COL26A1: variants seen among roughly 807,000 people sequenced by gnomAD.
The protein encoded by COL26A1 is collagen alpha-1(XXVI) chain.
In COL26A1, 41 loss-of-function variants were observed where a neutral mutation model predicts 59.3. The observed-to-expected ratio is 0.69, with a 90% CI of 0.54 to 0.90. The LOEUF is 0.90. COL26A1 is among the 40% of genes least tolerant of loss of function. The pLI is 0.00. For synonymous variants in COL26A1, 266 were observed against 256.0 expected (o/e 1.04, Z -0.37); for missense variants, 612 against 602.3 (o/e 1.02, Z -0.17).
chr7:101,530,549 G>A (rs1187755738), intron 3 of COL26A1, among the ~76,000 whole-genome samples: 1 of 133,502 alleles, frequency 7.5e-6, no homozygotes, highest in Non-Finnish European at 1.6e-5. Flanking sequence ...TGGGTGACAA[G>A]AGTGAGACTC....
chr7:101,416,789 G>C lies in COL26A1; in HGVS notation c.159-3188G>C, dbSNP rs774563268. On this transcript the variant is annotated intron_variant, in intron 1 of 12. Transcript: ENST00000313669. ...GGGTCTTGCTCTGTCACCCAGTGTG[G>C]AGTGCAGCGGTGCGATCATGGCTCA... Among the ~76,000 whole-genome samples the C allele has an allele frequency of 1.3e-4, 18 of 143,160 alleles. 4 individuals are homozygous for C. The highest frequency in any genetic ancestry group is 1.9e-4 in the Non-Finnish European group (12 of 63,162). 93.9% of individuals were successfully genotyped at this position (143,160 alleles called of 152,430 possible).
intron 3 of COL26A1, among the ~76,000 whole-genome samples, chr7:101,514,383 A>G (rs1193017169): frequency 3.3e-5 from 5 of 152,028 alleles, no homozygotes; most frequent in Non-Finnish European, 7.4e-5. Context: ...AATAAACCAC[A>G]ACGAGATTCT....
intron 3 of COL26A1, among the ~76,000 whole-genome samples, chr7:101,491,708 G>C (rs1165713982): frequency 1.3e-5 from 2 of 152,162 alleles, no homozygotes; most frequent in Non-Finnish European, 1.5e-5. Context: ...CGGTGAGGAC[G>C]ACCAGAGGTC....
At chr7:101,414,767 G>T (rs1185657714) in intron 1 of COL26A1, among the ~76,000 whole-genome samples, 4 of 152,086 alleles carry the variant, frequency 2.6e-5, no homozygotes, top group Non-Finnish European at 5.9e-5. Flanking sequence ...CACACTGAGT[G>T]CTTGAGCTGG....
chr7:101,548,068 C>T (rs752904347), intron 8 of COL26A1, among the ~76,000 whole-genome samples: 3 of 152,058 alleles, frequency 2.0e-5, no homozygotes, highest in African/African-American at 4.8e-5. Context: ...GCCGTCAAAA[C>T]GTGACATTTC....
At chr7:101,373,831 C>T (rs927240458) in intron 1 of COL26A1, among the ~76,000 whole-genome samples, 23 of 152,150 alleles carry the variant, frequency 1.5e-4, no homozygotes, top group African/African-American at 5.5e-4. Context: ...TCTTCCCTCT[C>T]TTCATCTCAC....
intron 2 of COL26A1, among the ~76,000 whole-genome samples, chr7:101,429,346 A>G (rs537374468): frequency 6.6e-6 from 1 of 152,054 alleles, no homozygotes; most frequent in Non-Finnish European, 1.5e-5. Flanking sequence ...TGGCCTATGG[A>G]TGCCTAATTG....
At chr7:101,508,739 C>T (rs1214369898) in intron 3 of COL26A1, among the ~76,000 whole-genome samples, 1 of 152,148 alleles carries the variant, frequency 6.6e-6, no homozygotes, top group African/African-American at 2.4e-5. Context: ...GGAGAGACCC[C>T]TAATCTTTGC....
Position 101,540,023 on chromosome 7 carries a change from G to C in COL26A1, c.578G>C (p.Arg193Pro). The change falls in exon 5 of 13, where the codon CGA becomes CCA. Residue 193 changes from arginine (R) to proline (P), a missense_variant. Physicochemically the swap from Arg to Pro is moderately radical, Grantham distance 103 (BLOSUM62 -2). Transcript: ENST00000313669. ...ATCCCTCTTGCTCACCCTGTGCCAC[G>C]ACAGAGAAGGCCCACGGGCCCAGCC... ...DAIPLAHPVPRQRRPTGPAGP... is the reference protein window; with the variant it reads ...DAIPLAHPVPPQRRPTGPAGP... 1 of 1,613,330 alleles carries C rather than the reference G, an allele frequency of 6.2e-7. No homozygotes were observed.
intron 11 of COL26A1, among the ~76,000 whole-genome samples, chr7:101,555,131 C>T (rs1795943857): frequency 3.3e-5 from 5 of 152,178 alleles, no homozygotes; most frequent in African/African-American, 4.8e-5. Flanking sequence ...GGCCTCGACA[C>T]CTGCCTTCTC....
At chr7:101,472,799 T>G (rs1333259730) in intron 3 of COL26A1, among the ~76,000 whole-genome samples, 1 of 26,872 alleles carries the variant, frequency 3.7e-5, no homozygotes, top group East Asian at 1.2e-3. Flanking sequence ...AGTCGAAGTG[T>G]TGTGGGGCCC....
intron 1 of COL26A1, among the ~76,000 whole-genome samples, chr7:101,391,239 G>A (rs925077636): frequency 6.6e-5 from 10 of 152,226 alleles, no homozygotes; most frequent in African/African-American, 1.9e-4. Context: ...ATGACTGTGC[G>A]TGGGAGCATA....
chr7:101,555,777 T>G lies in COL26A1; in HGVS notation c.1081-10T>G, dbSNP rs367984218. The G allele has an allele frequency of 2.4e-5, 38 of 1,602,648 alleles. No homozygotes were observed. The African/African-American group carries it at 5.1e-4, about 21-fold the overall frequency. On this transcript the variant is annotated splice_polypyrimidine_tract_variant and intron_variant, in intron 11 of 12. Transcript: ENST00000313669. ...GCCGGCCCTGACCCTGCCTGTTTCCTCCCCGCCAGGGCGAGGGGGTGCAGC... is the reference window on the plus strand; with the variant it reads ...GCCGGCCCTGACCCTGCCTGTTTCCGCCCCGCCAGGGCGAGGGGGTGCAGC...
intron 4 of COL26A1, among the ~76,000 whole-genome samples, chr7:101,534,379 C>A (rs1795434024): frequency 6.6e-6 from 1 of 152,270 alleles, no homozygotes; most frequent in South Asian, 2.1e-4. Context: ...ATGCCTCCAC[C>A]CAGAAGAGCA....
At chr7:101,389,131 C>T (rs557836585) in intron 1 of COL26A1, 195 of 157,200 alleles carry the variant, frequency 1.2e-3, no homozygotes, top group Non-Finnish European at 2.3e-3. Flanking sequence ...TGGGAAAGAG[C>T]GGGTTTTGAC....
chr7:101,392,718 G>C (rs1791762585), intron 1 of COL26A1, among the ~76,000 whole-genome samples: 2 of 151,956 alleles, frequency 1.3e-5, no homozygotes, highest in African/African-American at 4.8e-5. Context: ...CAGGCTTTTT[G>C]GTGATGGCTG....
intron 1 of COL26A1, among the ~76,000 whole-genome samples, chr7:101,368,508 T>C (rs1214957704): frequency 2.0e-5 from 3 of 152,248 alleles, no homozygotes; most frequent in African/African-American, 7.2e-5. Context: ...GTGCCCAGAC[T>C]AGCAGCTCAG....
intron 3 of COL26A1, among the ~76,000 whole-genome samples, chr7:101,524,137 G>A (rs891090923): frequency 1.3e-5 from 2 of 151,950 alleles, no homozygotes; most frequent in Non-Finnish European, 2.9e-5. Flanking sequence ...CGGGCATGGT[G>A]GTGGGTGGCT....
At chr7:101,507,939 G>T (rs894914768) in intron 3 of COL26A1, among the ~76,000 whole-genome samples, 3 of 152,176 alleles carry the variant, frequency 2.0e-5, no homozygotes, top group African/African-American at 7.2e-5. Flanking sequence ...CAAGGCACGT[G>T]ACTGCCATCT....
Sources: allele counts gnomAD v4.1 joint callset (sites outside exome capture counted in the v4.1 genomes callset), GRCh38; gene constraint gnomAD v4.1.1; transcripts MANE v1.5; gene names NCBI Gene and HGNC (gene_info 2026-07-23, HGNC 2026-07-21).